The following APOO variants were observed in gnomAD, a reference collection of about 807,000 sequenced individuals.
APOO encodes apolipoprotein O.
A neutral mutation model predicts 23.1 loss-of-function variants in APOO; 11 were observed. The observed-to-expected ratio is 0.48, with a 90% CI of 0.30 to 0.79. APOO has a LOEUF of 0.79. Among genes scored for constraint, APOO ranks in the 30% least tolerant of loss-of-function variants. The probability of loss-of-function intolerance (pLI) is 0.07; values close to 1 mark genes in which losing one functional copy is unlikely to be tolerated. For synonymous variants in APOO, 59 were observed against 54.8 expected, an observed-to-expected ratio of 1.08 and a Z score of -0.34; for missense variants, 160 against 142.7, an observed-to-expected ratio of 1.12 and a Z score of -0.62.
At chrX:23,898,612 A>G (rs1927005077) in intron 1 of APOO, among the ~76,000 whole-genome samples, 1 of 112,201 alleles carries the variant, frequency 8.9e-6, no homozygotes, top group Non-Finnish European at 1.9e-5. Context: ...TCTGTGCAAA[A>G]ATAAGGAACA....
chrX:23,892,685 G>A (rs1290879961), intron 1 of APOO, among the ~76,000 whole-genome samples: 5 of 106,335 alleles, frequency 4.7e-5, no homozygotes, highest in Non-Finnish European at 9.7e-5. Context: ...GGAGAATGGC[G>A]TGAACCTGGG....
intron 2 of APOO, among the ~76,000 whole-genome samples, chrX:23,880,251 C>G (rs1435599190): frequency 9.0e-6 from 1 of 110,886 alleles, no homozygotes; most frequent in Non-Finnish European, 1.9e-5. Context: ...TGCTTATAAC[C>G]TGTTGGGACA....
chrX:23,839,297 T>C (rs993737764), intron 8 of APOO, among the ~76,000 whole-genome samples: 14 of 112,203 alleles, frequency 1.2e-4, no homozygotes, highest in African/African-American at 3.9e-4. Context: ...AAACTCAGAA[T>C]TGTCCCAGGA....
chrX:23,892,282 C>T (rs1926694278), intron 1 of APOO, among the ~76,000 whole-genome samples: 1 of 105,397 alleles, frequency 9.5e-6, no homozygotes, highest in African/African-American at 3.4e-5. Flanking sequence ...GACGGAGTCT[C>T]GCACTGTCGC....
intron 7 of APOO, among the ~76,000 whole-genome samples, chrX:23,849,427 C>T (rs1320914917): frequency 9.3e-6 from 1 of 107,609 alleles, no homozygotes; most frequent in South Asian, 4.2e-4. Context: ...GCAGGGAGTA[C>T]AGAGAACACG....
intron 1 of APOO, among the ~76,000 whole-genome samples, chrX:23,881,505 C>T (rs1263129819): frequency 1.1e-5 from 1 of 92,002 alleles, no homozygotes; most frequent in Admixed American, 1.4e-4. Context: ...TGCCACTACA[C>T]TCCAGCCTGG....
intron 7 of APOO, among the ~76,000 whole-genome samples, chrX:23,854,118 C>A (rs1250827429): frequency 8.9e-6 from 1 of 112,619 alleles, no homozygotes; most frequent in Non-Finnish European, 1.9e-5. Context: ...CTAAAAAGAT[C>A]TGCATATAAA....
chrX:23,884,611 A>G (rs1022880674), intron 1 of APOO, among the ~76,000 whole-genome samples: 2 of 111,876 alleles, frequency 1.8e-5, no homozygotes, highest in Admixed American at 1.9e-4. Context: ...ATGGAAGTAG[A>G]GAGCACAATG....
At chrX:23,891,250 A>G (rs1926638277) in intron 1 of APOO, among the ~76,000 whole-genome samples, 1 of 110,310 alleles carries the variant, frequency 9.1e-6, no homozygotes. Context: ...TCTTTCAGAC[A>G]GAGTCTCGCT....
chrX:23,859,482 C>T (rs1314198613), intron 5 of APOO, among the ~76,000 whole-genome samples: 3 of 107,749 alleles, frequency 2.8e-5, no homozygotes, highest in African/African-American at 1.0e-4. Flanking sequence ...TTGCTCTTGT[C>T]ACCCAGGCTG....
chrX:23,840,503 T>C, intron 7 of APOO, 126 bp from the exon 8 acceptor site: 1 of 522,554 alleles, frequency 1.9e-6, no homozygotes, highest in Non-Finnish European at 3.0e-6. Flanking sequence ...CAAACCATTT[T>C]ATTGAGGACT....
At chrX:23,834,395 C>CAAAAAAA (rs1215835629) in intron 8 of APOO, among the ~76,000 whole-genome samples, 1 of 31,942 alleles carries the variant, frequency 3.1e-5, no homozygotes, top group African/African-American at 1.0e-4. Context: ...AACTCTGTCT[C>CAAAAAAA]AAAAAAAAAA....
intron 7 of APOO, among the ~76,000 whole-genome samples, chrX:23,846,019 T>A (rs1391410043): frequency 3.6e-5 from 4 of 111,659 alleles, no homozygotes; most frequent in Non-Finnish European, 7.5e-5. Flanking sequence ...ATAAGACAAC[T>A]CTAAGCTGGG....
Position 23,868,656 on chromosome X carries a change from C to T in APOO, c.325G>A (p.Gly109Arg), listed in dbSNP as rs768859557. The stretch of plus-strand genomic sequence containing the variant: ...ATAACACCAAGTCTCGGAAAAAATC[C>T]AGGAGGTGCATTTTGGAGATAGTCA... Reference protein sequence around the residue: ...SYDYLQNAPPGFFPRLGVIGF... With the variant: ...SYDYLQNAPPRFFPRLGVIGF... Residue 109 changes from glycine to arginine, a missense_variant, in exon 5 of 9, where the codon GGA (glycine) becomes AGA (arginine). By Grantham distance (125) the Gly-to-Arg change is moderately radical. Transcript: ENST00000379226. The T allele has an allele frequency of 2.4e-5, 29 of 1,207,091 alleles. No homozygotes were observed. The highest frequency in any genetic ancestry group is 3.2e-5 in the Non-Finnish European group (29 of 894,172).
chrX:23,884,801 C>G (rs921505210), intron 1 of APOO, among the ~76,000 whole-genome samples: 3 of 110,946 alleles, frequency 2.7e-5, no homozygotes, highest in African/African-American at 9.8e-5. Context: ...TTGGGGTTTC[C>G]GATGGGTTTT....
At chrX:23,892,405 C>T (rs1022772634) in intron 1 of APOO, among the ~76,000 whole-genome samples, 1 of 110,183 alleles carries the variant, frequency 9.1e-6, no homozygotes, top group Non-Finnish European at 1.9e-5. Flanking sequence ...CAGGCGCCCG[C>T]TACCATGCCC....
rs757978777 is a variant in APOO at position 23,874,409 on chromosome X, C to G, written c.286G>C (p.Gly96Arg). The G allele has an allele frequency of 1.1e-5, 13 of 1,209,097 alleles. No individual in the cohort carries two copies. The highest frequency in any genetic ancestry group is 1.1e-4 in the South Asian group (6 of 56,786). Residue 96 changes from glycine to arginine, a missense_variant, in exon 4 of 9, where the codon GGG (glycine) becomes CGG (arginine). Coordinates refer to ENST00000379226, the MANE Select transcript of APOO (RefSeq NM_024122.5). ...TAATTTAAAATCAACTTACCTAACCCCCATTGAACCAAACTTTGCATCTTG... is the reference window on the plus strand; with the variant it reads ...TAATTTAAAATCAACTTACCTAACCGCCATTGAACCAAACTTTGCATCTTG... ...KPKMQSLVQW[G>R]LDSYDYLQNA... is the part of the protein sequence containing the mutation.
chrX:23,850,793 C>T (rs940720134), intron 7 of APOO, among the ~76,000 whole-genome samples: 10 of 111,756 alleles, frequency 8.9e-5, no homozygotes, highest in African/African-American at 3.2e-4. Context: ...CACCACTACA[C>T]TCCAGCCTGA....
At chrX:23,874,541 A>G in intron 3 of APOO, 84 bp from the exon 4 acceptor site, 1 of 810,826 alleles carries the variant, frequency 1.2e-6, no homozygotes, top group South Asian at 2.1e-5. Context: ...ACTTGTTTTT[A>G]CTGAATAAAT....
Sources: gnomAD v4.1 joint callset for allele counts (sites outside exome capture counted in the v4.1 genomes callset) on GRCh38, gnomAD v4.1.1 for gene constraint, MANE v1.5 for transcripts, NCBI Gene and HGNC (gene_info 2026-07-23, HGNC 2026-07-21) for gene names.